TGFBR3: variants seen among roughly 807,000 people sequenced by gnomAD.
TGFBR3 encodes transforming growth factor beta receptor type 3.
A neutral mutation model predicts 87.9 loss-of-function variants in TGFBR3; 46 were observed. The observed-to-expected ratio is 0.52, with a 90% CI of 0.41 to 0.67. The LOEUF (loss-of-function observed/expected upper bound fraction) is 0.67. TGFBR3 is among the 30% of genes least tolerant of loss of function. TGFBR3 has a pLI of 0.00. For synonymous variants in TGFBR3, 381 were observed against 391.6 expected, an observed-to-expected ratio of 0.97 and a Z score of 0.32; for missense variants, 866 against 1,041.9, an observed-to-expected ratio of 0.83 and a Z score of 2.32.
intron 1 of TGFBR3, among the ~76,000 whole-genome samples, chr1:91,881,866 C>T (rs1255462094): frequency 3.3e-5 from 5 of 151,754 alleles, no homozygotes; most frequent in Admixed American, 1.3e-4. Flanking sequence ...AGTGAAGCCC[C>T]GTCTCTACGA....
chr1:91,886,901 C>T (rs1679335531), upstream of TGFBR3, among the ~76,000 whole-genome samples: 1 of 152,122 alleles, frequency 6.6e-6, no homozygotes, highest in Non-Finnish European at 1.5e-5. Flanking sequence ...GGGGCAACGT[C>T]CTAAGTACCT....
chr1:91,727,963 T>G, intron 6 of TGFBR3, 157 bp from the exon 7 acceptor site: 3 of 759,020 alleles, frequency 4.0e-6, no homozygotes, highest in Non-Finnish European at 6.6e-6. Context: ...AGATTGTTAC[T>G]GCACACATAA....
chr1:91,832,206 G>T (rs2101088904), intron 2 of TGFBR3, among the ~76,000 whole-genome samples: 1 of 152,192 alleles, frequency 6.6e-6, no homozygotes. Flanking sequence ...ATAATTAATG[G>T]CTAATTTCCT....
chr1:91,749,093 T>C (rs992738776), intron 4 of TGFBR3, among the ~76,000 whole-genome samples: 7 of 152,152 alleles, frequency 4.6e-5, no homozygotes, highest in East Asian at 1.9e-4. Flanking sequence ...AGCCTTCTTA[T>C]ACAAACTGCA....
chr1:91,698,045 A>G (rs1196181573), intron 15 of TGFBR3, 44 bp downstream of exon 15: 1 of 1,592,418 alleles, frequency 6.3e-7, no homozygotes, highest in Admixed American at 1.7e-5. Context: ...ATTCTTAGGA[A>G]AGCCCAGGAG....
intron 2 of TGFBR3, among the ~76,000 whole-genome samples, chr1:91,803,541 T>TC (rs1675722835): frequency 6.8e-6 from 1 of 146,638 alleles, no homozygotes; most frequent in African/African-American, 2.5e-5. Flanking sequence ...CTGAACTGCT[T>TC]TTTTTTTTTT....
intron 2 of TGFBR3, among the ~76,000 whole-genome samples, chr1:91,894,755 GT>G (rs1679519835): frequency 6.6e-6 from 1 of 152,144 alleles, no homozygotes; most frequent in Non-Finnish European, 1.5e-5. Flanking sequence ...AATGTCCTTG[GT>G]CCTCTTCTCT....
chr1:91,886,111 G>A lies in TGFBR3; in HGVS notation c.-347C>T, dbSNP rs1295487888. 4.4e-6 allele frequency: 2 copies of A among 454,138 alleles called. No homozygotes were observed. The highest frequency in any genetic ancestry group is 2.0e-5 in the African/African-American group (1 of 50,146). The allele number at this position is 454,138 out of a possible 1,614,324, so 28.1% of individuals were successfully genotyped here. ...CCGACTGCCCTCCTTCACTCGCTGG[G>A]AAGAGGAAAGTGCCGCTCGGCGTCC... is the stretch of plus-strand genomic sequence containing the variant. On this transcript the variant is annotated 5_prime_UTR_variant, in exon 1 of 17. Coordinates refer to ENST00000212355, the MANE Select transcript of TGFBR3 (RefSeq NM_003243.5).
chr1:91,752,496 T>A (rs1026304812), intron 4 of TGFBR3, among the ~76,000 whole-genome samples: 1 of 152,190 alleles, frequency 6.6e-6, no homozygotes, highest in Non-Finnish European at 1.5e-5. Flanking sequence ...AGAAGCTGCT[T>A]ATTTCTTGAA....
At chr1:91,744,287 T>C (rs1321229875) in intron 4 of TGFBR3, among the ~76,000 whole-genome samples, 1 of 152,110 alleles carries the variant, frequency 6.6e-6, no homozygotes, top group African/African-American at 2.4e-5. Context: ...GGTTTCACCA[T>C]GTTGGGCAGG....
At chr1:91,773,054 C>T (rs1026633817) in intron 3 of TGFBR3, among the ~76,000 whole-genome samples, 12 of 152,228 alleles carry the variant, frequency 7.9e-5, no homozygotes, top group African/African-American at 2.2e-4. Context: ...TTTTGCCTTC[C>T]TCCTAATGTA....
chr1:91,780,949 G>A (rs932230572), intron 3 of TGFBR3, among the ~76,000 whole-genome samples: 35 of 148,374 alleles, frequency 2.4e-4, no homozygotes, highest in African/African-American at 8.8e-4. Context: ...CTCATCTCCT[G>A]GCATTTGAGC....
chr1:91,830,499 G>A (rs1676816326), intron 2 of TGFBR3, among the ~76,000 whole-genome samples: 1 of 152,140 alleles, frequency 6.6e-6, no homozygotes, highest in Admixed American at 6.5e-5. Context: ...GCAAGCAGCT[G>A]CTAAATAACA....
At chr1:91,714,654 T>C (rs766499601) in intron 12 of TGFBR3, among the ~76,000 whole-genome samples, 130 of 152,314 alleles carry the variant, frequency 8.5e-4, no homozygotes, top group Non-Finnish European at 1.4e-3. Context: ...GATTGACCAC[T>C]GATTAGCATA....
At chr1:91,856,057 G>A (rs191864635) in intron 2 of TGFBR3, among the ~76,000 whole-genome samples, 1 of 151,936 alleles carries the variant, frequency 6.6e-6, no homozygotes, top group Non-Finnish European at 1.5e-5. Flanking sequence ...GGAGGGGAGG[G>A]AAAGCATGAG....
At chr1:91,807,149 G>A (rs1427471204) in intron 2 of TGFBR3, among the ~76,000 whole-genome samples, 2 of 152,184 alleles carry the variant, frequency 1.3e-5, no homozygotes, top group African/African-American at 2.4e-5. Context: ...CTTGGGGATG[G>A]AGCGGTGGAA....
At chr1:91,758,826 T>C in intron 3 of TGFBR3, 76 bp from the exon 4 acceptor site, 2 of 1,594,928 alleles carry the variant, frequency 1.3e-6, no homozygotes, top group Non-Finnish European at 1.7e-6. Context: ...GCCTCTGGAA[T>C]ACTTTTTTTG....
rs116500181 is a variant in TGFBR3 at position 91,680,771 on chromosome 1, G to C, written c.*2968C>G. On this transcript the variant is annotated 3_prime_UTR_variant, in exon 17 of 17. Coordinates refer to ENST00000212355, the MANE Select transcript of TGFBR3 (RefSeq NM_003243.5). The stretch of plus-strand genomic sequence containing the variant: ...TTACAGTACAAAAAGACTGGCACGC[G>C]TGTGAGCACCCCACACACACTCACA... 3 of 453,874 alleles carry C rather than the reference G, an allele frequency of 6.6e-6. No individual in the cohort carries two copies. The highest frequency in any genetic ancestry group is 1.3e-5 in the Non-Finnish European group (3 of 226,792). 28.1% of individuals were successfully genotyped at this position (453,874 alleles called of 1,614,324 possible).
upstream of TGFBR3, among the ~76,000 whole-genome samples, chr1:91,887,654 A>C (rs1253524504): frequency 6.6e-6 from 1 of 152,110 alleles, no homozygotes; most frequent in East Asian, 1.9e-4. Flanking sequence ...AACAGGAAAT[A>C]TTTCTCGTCC....
Sources: allele counts gnomAD v4.1 joint callset (sites outside exome capture counted in the v4.1 genomes callset), GRCh38; gene constraint gnomAD v4.1.1; transcripts MANE v1.5; gene names NCBI Gene and HGNC (gene_info 2026-07-23, HGNC 2026-07-21).